The following THADA variants were observed in gnomAD, a reference collection of about 807,000 sequenced individuals.
THADA encodes the protein THADA armadillo repeat containing.
In THADA, 213 loss-of-function variants were observed where a neutral mutation model predicts 219.8. The ratio of observed to expected loss-of-function variants is 0.97; its 90% CI spans 0.87 to 1.09. The LOEUF is 1.09. Ranked by LOEUF, THADA falls within the 50% of genes least tolerant of loss-of-function variation. The probability of loss-of-function intolerance (pLI) is 0.00; values close to 1 mark genes in which losing one functional copy is unlikely to be tolerated. For synonymous variants in THADA, 1,018 were observed against 828.9 expected, an observed-to-expected ratio of 1.23 and a Z score of -3.92; for missense variants, 2,956 against 2,311.3, an observed-to-expected ratio of 1.28 and a Z score of -5.72.
chr2:43,394,362 G>C (rs1673772412), intron 29 of THADA, among the ~76,000 whole-genome samples: 5 of 152,124 alleles, frequency 3.3e-5, no homozygotes. Flanking sequence ...GTATACTATA[G>C]AAATACTCTG....
At chr2:43,595,546 G>C (rs1232888315) in intron 1 of THADA, 6 of 152,356 alleles carry the variant, frequency 3.9e-5, no homozygotes, top group African/African-American at 1.4e-4. Flanking sequence ...ATGCCTAAAC[G>C]TGTGTCCTGA....
chr2:43,360,713 AC>A (rs765383738), intron 29 of THADA, among the ~76,000 whole-genome samples: 2 of 152,108 alleles, frequency 1.3e-5, no homozygotes, highest in African/African-American at 2.4e-5. Context: ...CTGTCCATAA[AC>A]CATTTTGGCC....
intron 29 of THADA, among the ~76,000 whole-genome samples, chr2:43,387,137 C>T (rs982121168): frequency 5.9e-5 from 9 of 152,270 alleles, no homozygotes; most frequent in Admixed American, 2.6e-4. Flanking sequence ...ATGAAACAGA[C>T]AGCAACTGTA....
intron 31 of THADA, among the ~76,000 whole-genome samples, chr2:43,310,663 G>A (rs111438465): frequency 3.3e-4 from 50 of 152,300 alleles, no homozygotes; most frequent in African/African-American, 1.2e-3. Flanking sequence ...GCAAATCTTT[G>A]TGACTTTGGA....
At chr2:43,455,591 C>A (rs984477721) in intron 26 of THADA, among the ~76,000 whole-genome samples, 1 of 151,846 alleles carries the variant, frequency 6.6e-6, no homozygotes, top group Non-Finnish European at 1.5e-5. Context: ...AAAACAGGAG[C>A]ATATTAAATG....
chr2:43,367,108 TTA>T (rs1325294578), intron 29 of THADA, among the ~76,000 whole-genome samples: 3 of 152,192 alleles, frequency 2.0e-5, no homozygotes, highest in African/African-American at 7.2e-5. Flanking sequence ...ATGATTTCCC[TTA>T]TATGAGGTAC....
At chr2:43,340,705 A>AT (rs770405191) in intron 30 of THADA, among the ~76,000 whole-genome samples, 13 of 152,164 alleles carry the variant, frequency 8.5e-5, no homozygotes, top group Non-Finnish European at 1.8e-4. Context: ...AGGAACATTT[A>AT]TTTTTCTTTC....
intron 29 of THADA, among the ~76,000 whole-genome samples, chr2:43,362,484 G>A (rs916663299): frequency 6.6e-6 from 1 of 152,018 alleles, no homozygotes; most frequent in Admixed American, 6.5e-5. Flanking sequence ...CATAGAAAAG[G>A]TATGGTAAAA....
intron 26 of THADA, among the ~76,000 whole-genome samples, chr2:43,437,126 T>G (rs970499986): frequency 6.6e-6 from 1 of 152,188 alleles, no homozygotes; most frequent in African/African-American, 2.4e-5. Flanking sequence ...GGTACAAAAT[T>G]TATCAGCTGA....
intron 28 of THADA, among the ~76,000 whole-genome samples, chr2:43,420,691 T>C (rs1032147706): frequency 1.3e-5 from 2 of 152,150 alleles, no homozygotes; most frequent in Non-Finnish European, 2.9e-5. Context: ...ATTTAGAAAA[T>C]GGTCTTAAAG....
At chr2:43,552,552 C>T (rs1385474307) in intron 17 of THADA, among the ~76,000 whole-genome samples, 1 of 152,156 alleles carries the variant, frequency 6.6e-6, no homozygotes, top group African/African-American at 2.4e-5. Flanking sequence ...GTATCCATTA[C>T]AGCATTCACT....
intron 14 of THADA, among the ~76,000 whole-genome samples, chr2:43,568,329 C>T (rs947724378): frequency 6.6e-6 from 1 of 152,192 alleles, no homozygotes; most frequent in African/African-American, 2.4e-5. Flanking sequence ...CTAATAGCCT[C>T]CTCTTCTCCC....
chr2:43,269,261 T>C (rs61610260), intron 36 of THADA, among the ~76,000 whole-genome samples: 1 of 152,214 alleles, frequency 6.6e-6, no homozygotes, highest in African/African-American at 2.4e-5. Context: ...TCAGTCGCCT[T>C]GGCCAGAGAG....
intron 4 of THADA, among the ~76,000 whole-genome samples, chr2:43,587,905 T>G (rs1264328220): frequency 1.3e-5 from 2 of 152,226 alleles, no homozygotes; most frequent in African/African-American, 4.8e-5. Flanking sequence ...TCAATTTATA[T>G]ACATCAAAAC....
chr2:43,591,546 T>C (rs560529337), intron 3 of THADA, among the ~76,000 whole-genome samples: 4 of 152,176 alleles, frequency 2.6e-5, no homozygotes, highest in Admixed American at 2.6e-4. Flanking sequence ...CAGTAATACA[T>C]TTACTTGCTT....
intron 22 of THADA, among the ~76,000 whole-genome samples, chr2:43,521,501 A>G (rs1465294358): frequency 1.3e-5 from 2 of 152,206 alleles, no homozygotes; most frequent in African/African-American, 4.8e-5. Flanking sequence ...GGTTGCAGTG[A>G]GCCGAGATTG....
intron 36 of THADA, among the ~76,000 whole-genome samples, chr2:43,274,806 C>T (rs1294800698): frequency 3.9e-5 from 6 of 152,086 alleles, no homozygotes; most frequent in African/African-American, 1.2e-4. Context: ...TGCTTGCCTA[C>T]CCACTATCCC....
rs60448094 is a variant in THADA at position 43,501,307 on chromosome 2, C to CAAAAAAAAAAAAAAA, written c.3622-2367_3622-2353dup. On this transcript the variant is annotated intron_variant, in intron 24 of 37. Coordinates refer to ENST00000405975, the MANE Select transcript of THADA (RefSeq NM_022065.5). ...GGCAACAAAAGCGAAACTCCAACTCCAAAAAAAAAAAAAAAAAAAAAAAAA... is the reference window on the plus strand; with the variant it reads ...GGCAACAAAAGCGAAACTCCAACTCCAAAAAAAAAAAAAAAAAAAAAAAAAAAAAAAAAAAAAAAA... Among the ~76,000 whole-genome samples the CAAAAAAAAAAAAAAA allele has an allele frequency of 4.0e-4, 6 of 15,050 alleles. 1 individual carries two copies. The highest frequency in any genetic ancestry group is 5.6e-4 in the African/African-American group (3 of 5,324). The allele number at this position is 15,050 out of a possible 152,430, so 9.9% of individuals were successfully genotyped here.
intron 34 of THADA, among the ~76,000 whole-genome samples, chr2:43,289,242 T>C (rs1428565543): frequency 1.3e-5 from 2 of 152,256 alleles, no homozygotes; most frequent in Non-Finnish European, 2.9e-5. Flanking sequence ...ATTGTTTTCA[T>C]CATTTAAACT....
Sources: allele counts gnomAD v4.1 joint callset (sites outside exome capture counted in the v4.1 genomes callset), GRCh38; gene constraint gnomAD v4.1.1; transcripts MANE v1.5; gene names NCBI Gene and HGNC (gene_info 2026-07-23, HGNC 2026-07-21).